NRXN1: variants seen among roughly 807,000 people sequenced by gnomAD.
The protein encoded by NRXN1 is neurexin-1.
A neutral mutation model predicts 150.9 loss-of-function variants in NRXN1; 39 were observed. That is an observed-to-expected ratio of 0.26 (90% CI 0.20 to 0.34). The LOEUF is 0.34. NRXN1 is among the 10% of genes least tolerant of loss of function. The pLI, the probability that NRXN1 is intolerant of heterozygous loss-of-function variation, is 1.00. For missense variants in NRXN1, 1,815 were observed against 1,949.9 expected (o/e 0.93, Z 1.30); for synonymous variants, 924 against 757.0 (o/e 1.22, Z -3.62).
chr2:50,748,208 G>A (rs904277102), intron 5 of NRXN1, among the ~76,000 whole-genome samples: 1 of 152,142 alleles, frequency 6.6e-6, no homozygotes, highest in African/African-American at 2.4e-5. Context: ...TGCAAAGGCT[G>A]TACTTTTACC....
chr2:50,293,025 A>C (rs1328072672), intron 17 of NRXN1, among the ~76,000 whole-genome samples: 1 of 152,218 alleles, frequency 6.6e-6, no homozygotes, highest in East Asian at 1.9e-4. Context: ...CCTACTGAAG[A>C]CATACATATC....
chr2:50,911,335 CCTG>C (rs1022184782), intron 5 of NRXN1, among the ~76,000 whole-genome samples: 1 of 151,710 alleles, frequency 6.6e-6, no homozygotes, highest in African/African-American at 2.4e-5. Context: ...TCACTCTCTC[CCTG>C]CTTTTTCTTG....
At chr2:50,685,492 G>A (rs1161056420) in intron 5 of NRXN1, among the ~76,000 whole-genome samples, 1 of 152,000 alleles carries the variant, frequency 6.6e-6, no homozygotes, top group African/African-American at 2.4e-5. Context: ...CCATTGCTAA[G>A]GCTTGAAAAC....
intron 18 of NRXN1, among the ~76,000 whole-genome samples, chr2:50,211,602 A>G (rs761825520): frequency 1.3e-5 from 2 of 151,610 alleles, no homozygotes; most frequent in African/African-American, 4.8e-5. Flanking sequence ...ACTGGAGTCT[A>G]TAAAGCATTT....
chr2:50,683,646 A>AAAAAAAATATATATATATAT, intron 5 of NRXN1, among the ~76,000 whole-genome samples: 1 of 14,906 alleles, frequency 6.7e-5, no homozygotes, highest in Non-Finnish European at 1.1e-4. Flanking sequence ...AAAAAAAAAA[A>AAAAAAAATATATATATATAT]ATATATATAT....
chr2:50,541,893 A>G (rs1343505342), intron 9 of NRXN1, among the ~76,000 whole-genome samples: 2 of 152,220 alleles, frequency 1.3e-5, no homozygotes, highest in African/African-American at 4.8e-5. Context: ...ATAAATAAAA[A>G]ACAAAAACAG....
At chr2:50,435,159 T>C (rs1017896135) in intron 17 of NRXN1, among the ~76,000 whole-genome samples, 5 of 151,880 alleles carry the variant, frequency 3.3e-5, no homozygotes, top group Non-Finnish European at 5.9e-5. Flanking sequence ...GCAGAGAGAG[T>C]TGGATGCTGA....
intron 8 of NRXN1, among the ~76,000 whole-genome samples, chr2:50,614,268 C>G (rs911292827): frequency 5.9e-5 from 9 of 152,110 alleles, no homozygotes; most frequent in African/African-American, 1.7e-4. Context: ...TCTCTGCCAA[C>G]TAAAGTAGCC....
At chr2:50,585,151 G>A (rs557672614) in intron 8 of NRXN1, among the ~76,000 whole-genome samples, 1 of 152,166 alleles carries the variant, frequency 6.6e-6, no homozygotes, top group East Asian at 1.9e-4. Context: ...ATCTGGATTC[G>A]GTGTTCGGTG....
At chr2:50,103,321 G>A (rs1009157774) in intron 18 of NRXN1, among the ~76,000 whole-genome samples, 1 of 152,032 alleles carries the variant, frequency 6.6e-6, no homozygotes, top group Non-Finnish European at 1.5e-5. Flanking sequence ...ATGTAGTAAA[G>A]AGTTATCCAT....
chr2:50,523,671 A>G (rs994690511), intron 12 of NRXN1, among the ~76,000 whole-genome samples: 1 of 152,190 alleles, frequency 6.6e-6, no homozygotes, highest in Non-Finnish European at 1.5e-5. Flanking sequence ...ATGGTAATAC[A>G]AAGATCTTAT....
chr2:49,966,325 T>C (rs1676958880), intron 21 of NRXN1, among the ~76,000 whole-genome samples: 1 of 152,144 alleles, frequency 6.6e-6, no homozygotes, highest in African/African-American at 2.4e-5. Flanking sequence ...ATTATGGAAA[T>C]GGAAAATGAG....
chr2:50,916,273 CAA>C (rs1290652785), intron 5 of NRXN1, among the ~76,000 whole-genome samples: 3 of 150,868 alleles, frequency 2.0e-5, no homozygotes, highest in African/African-American at 7.3e-5. Context: ...CCTTGTAACA[CAA>C]AGAGGGACAA....
intron 5 of NRXN1, among the ~76,000 whole-genome samples, chr2:50,655,821 T>C (rs1000511260): frequency 1.3e-5 from 2 of 151,964 alleles, no homozygotes; most frequent in African/African-American, 4.8e-5. Context: ...TTTGATATTC[T>C]AGATCTATAC....
intron 11 of NRXN1, among the ~76,000 whole-genome samples, chr2:50,529,864 AT>A (rs535822363): frequency 5.8e-4 from 89 of 152,288 alleles, no homozygotes; most frequent in African/African-American, 2.0e-3. Context: ...TTAAAGTAGT[AT>A]TTTTTTAACC....
At chr2:50,824,505 A>G (rs1291006269) in intron 5 of NRXN1, among the ~76,000 whole-genome samples, 1 of 152,162 alleles carries the variant, frequency 6.6e-6, no homozygotes, top group Non-Finnish European at 1.5e-5. Flanking sequence ...GCATAGAAGT[A>G]GTTGCTTTTA....
At chr2:50,283,309 A>C (rs1248084724) in intron 17 of NRXN1, among the ~76,000 whole-genome samples, 1 of 152,206 alleles carries the variant, frequency 6.6e-6, no homozygotes, top group African/African-American at 2.4e-5. Context: ...TCTTCAACAA[A>C]ATTTAAAACT....
chr2:50,093,198 C>G (rs778551739), intron 18 of NRXN1, among the ~76,000 whole-genome samples: 1 of 152,004 alleles, frequency 6.6e-6, no homozygotes, highest in Non-Finnish European at 1.5e-5. Context: ...TGTTTATTAG[C>G]TGAGTCAGTC....
At chr2:50,513,548 G>A (rs934727008) in intron 12 of NRXN1, among the ~76,000 whole-genome samples, 2 of 152,068 alleles carry the variant, frequency 1.3e-5, no homozygotes, top group African/African-American at 4.8e-5. Context: ...GATCAATAAC[G>A]ACATGCTTAA....
Sources: allele counts gnomAD v4.1 joint callset (sites outside exome capture counted in the v4.1 genomes callset), GRCh38; gene constraint gnomAD v4.1.1; transcripts MANE v1.5; gene names NCBI Gene and HGNC (gene_info 2026-07-23, HGNC 2026-07-21).